Variants in ADAM23 observed in about 807,000 individuals in gnomAD.
ADAM23 encodes ADAM metallopeptidase domain 23, also known as disintegrin and metalloproteinase domain-containing protein 23.
Under a neutral mutation model 120.1 loss-of-function variants are expected in ADAM23, and 33 were observed. The observed-to-expected ratio is 0.27, with a 90% CI of 0.21 to 0.37. The LOEUF (loss-of-function observed/expected upper bound fraction) is 0.37. Among genes scored for constraint, ADAM23 ranks in the 10% least tolerant of loss-of-function variants. ADAM23 has a pLI of 1.00. For missense variants in ADAM23, 862 were observed against 1,058.2 expected (o/e 0.81, Z 2.57); for synonymous variants, 367 against 375.2 (o/e 0.98, Z 0.25).
At chr2:206,515,254 A>G (rs1696705982) in intron 3 of ADAM23, among the ~76,000 whole-genome samples, 1 of 152,210 alleles carries the variant, frequency 6.6e-6, no homozygotes. Context: ...GATCATTGAA[A>G]CAACTGAGAT....
chr2:206,610,090 C>G lies in ADAM23; in HGVS notation c.2450+90C>G, dbSNP rs542082750. 3.0e-5 allele frequency: 36 copies of G among 1,193,292 alleles called. No individual in the cohort carries two copies. The East Asian group carries it at 8.3e-4, about 27-fold the overall frequency. 73.9% of individuals were successfully genotyped at this position (1,193,292 alleles called of 1,614,324 possible). ...AAGTTTTGAGTTCCTGCTACAAGAG[C>G]TTAGGTTCTGTCAGTCAAACTGCAA... is the stretch of plus-strand genomic sequence containing the variant. On this transcript the variant is annotated intron_variant, in intron 25 of 25. Coordinates refer to ENST00000264377, the MANE Select transcript of ADAM23 (RefSeq NM_003812.4).
intron 21 of ADAM23, among the ~76,000 whole-genome samples, 156 bp downstream of exon 21, chr2:206,589,670 G>C (rs376168435): frequency 6.6e-6 from 1 of 152,108 alleles, no homozygotes; most frequent in African/African-American, 2.4e-5. Flanking sequence ...ATTATATCTA[G>C]AGGCAAATGG....
intron 3 of ADAM23, among the ~76,000 whole-genome samples, chr2:206,504,762 T>A (rs1052726519): frequency 6.6e-6 from 1 of 152,182 alleles, no homozygotes; most frequent in African/African-American, 2.4e-5. Context: ...CCTTGGGGTG[T>A]GTTGAGCCCT....
chr2:206,528,030 TG>T (rs1696976043), intron 3 of ADAM23, among the ~76,000 whole-genome samples: 1 of 152,224 alleles, frequency 6.6e-6, no homozygotes, highest in Non-Finnish European at 1.5e-5. Context: ...TTATGAGATT[TG>T]GGAATTCATG....
chr2:206,485,242 G>A (rs1230787855), intron 3 of ADAM23, among the ~76,000 whole-genome samples: 1 of 152,154 alleles, frequency 6.6e-6, no homozygotes, highest in African/African-American at 2.4e-5. Flanking sequence ...TTCTGTCTGG[G>A]ATTAACCAAA....
chr2:206,598,751 T>G (rs1698578360), intron 24 of ADAM23, among the ~76,000 whole-genome samples: 1 of 150,898 alleles, frequency 6.6e-6, no homozygotes, highest in South Asian at 2.1e-4. Context: ...AATACAAAAA[T>G]TAGCCAGACA....
intron 4 of ADAM23, among the ~76,000 whole-genome samples, chr2:206,531,163 T>C (rs1697053970): frequency 6.6e-6 from 1 of 152,234 alleles, no homozygotes. Context: ...GTTTTGATTA[T>C]ACATGCAGTA....
At position 206,481,229 on chromosome 2, in the gene ADAM23, T is replaced by C. The variant is rs1695889018; in HGVS notation, c.433-3T>C. 1 of 1,608,366 alleles carries C rather than the reference T, an allele frequency of 6.2e-7. No homozygotes were observed. Among genetic ancestry groups the C allele is most frequent in the African/African-American group, 1.3e-5 (1 of 74,580 alleles). Reference sequence around the variant, plus strand: ...AGGTTCTTCTGTCTTTTTGAATCCATAGGCTGTCCATCTGGCCCAGGCAAG... The same window carrying C: ...AGGTTCTTCTGTCTTTTTGAATCCACAGGCTGTCCATCTGGCCCAGGCAAG... On this transcript the variant is annotated splice_polypyrimidine_tract_variant and splice_region_variant and intron_variant, in intron 2 of 25. Coordinates refer to ENST00000264377, the MANE Select transcript of ADAM23 (RefSeq NM_003812.4).
chr2:206,545,016 G>A (rs1486855231), intron 6 of ADAM23, among the ~76,000 whole-genome samples: 2 of 152,132 alleles, frequency 1.3e-5, no homozygotes, highest in Non-Finnish European at 2.9e-5. Flanking sequence ...GGGTTGGAGA[G>A]GAGTGAACAA....
At chr2:206,606,494 G>A (rs996444124) in intron 24 of ADAM23, 2 of 152,198 alleles carry the variant, frequency 1.3e-5, no homozygotes, top group African/African-American at 4.8e-5. Flanking sequence ...GAAGCAAGGA[G>A]CATTAAGAAT....
At position 206,594,846 on chromosome 2, in the gene ADAM23, G is replaced by A. The variant is rs778898677; in HGVS notation, c.2188G>A (p.Ala730Thr). 6.2e-7 allele frequency: 1 copy of A among 1,614,148 alleles called. No individual in the cohort carries two copies. Among genetic ancestry groups the A allele is most frequent in the African/African-American group, 1.3e-5 (1 of 75,030 alleles). The change falls in exon 23 of 26, where the codon GCC (alanine) becomes ACC (threonine). Residue 730 changes from alanine to threonine, a missense_variant. Transcript: ENST00000264377. ...CLDRKCLQIQ[A>T]LNMSSCPLDS... The stretch of plus-strand genomic sequence containing the variant: ...AGATCGGAAGTGCCTACAAATTCAA[G>A]CCCTAAATATGAGCAGCTGTCCACT...
intron 3 of ADAM23, among the ~76,000 whole-genome samples, chr2:206,482,081 T>C (rs1250456711): frequency 1.3e-5 from 2 of 152,236 alleles, no homozygotes; most frequent in African/African-American, 2.4e-5. Context: ...TACCTGTTAA[T>C]GCTATCAAAC....
intron 3 of ADAM23, among the ~76,000 whole-genome samples, chr2:206,526,443 T>C (rs556480034): frequency 3.3e-4 from 51 of 152,342 alleles, no homozygotes; most frequent in Non-Finnish European, 6.8e-4. Flanking sequence ...CACTGCGATA[T>C]AGTGCAAGTT....
intron 3 of ADAM23, among the ~76,000 whole-genome samples, chr2:206,516,906 G>A (rs1696745036): frequency 6.6e-6 from 1 of 152,012 alleles, no homozygotes; most frequent in Non-Finnish European, 1.5e-5. Context: ...AGCAGTTTGA[G>A]GGCAGACAAC....
intron 2 of ADAM23, among the ~76,000 whole-genome samples, chr2:206,460,623 G>GTAC: frequency 6.6e-6 from 1 of 152,008 alleles, no homozygotes; most frequent in South Asian, 2.1e-4. Flanking sequence ...AGTTCTTTAT[G>GTAC]TACTCTGGAT....
At chr2:206,616,570 T>A (rs1037318383) in intron 25 of ADAM23, among the ~76,000 whole-genome samples, 4 of 152,178 alleles carry the variant, frequency 2.6e-5, no homozygotes, top group African/African-American at 9.7e-5. Flanking sequence ...GGTATTGTTT[T>A]TATTTTGAAT....
At chr2:206,494,186 G>T (rs1470065038) in intron 3 of ADAM23, among the ~76,000 whole-genome samples, 1 of 152,056 alleles carries the variant, frequency 6.6e-6, no homozygotes, top group Non-Finnish European at 1.5e-5. Flanking sequence ...ATTAATTATA[G>T]TCACCATACT....
At chr2:206,556,272 A>G (rs1274309152) in intron 9 of ADAM23, among the ~76,000 whole-genome samples, 1 of 152,160 alleles carries the variant, frequency 6.6e-6, no homozygotes, top group African/African-American at 2.4e-5. Context: ...TAGATATGTA[A>G]ACATTGAGAT....
At chr2:206,472,926 G>A (rs1480090391) in intron 2 of ADAM23, among the ~76,000 whole-genome samples, 1 of 152,184 alleles carries the variant, frequency 6.6e-6, no homozygotes, top group East Asian at 1.9e-4. Flanking sequence ...TGTGAGAAGA[G>A]TGTGCTTTGT....
Sources: gnomAD v4.1 joint callset for allele counts (sites outside exome capture counted in the v4.1 genomes callset) on GRCh38, gnomAD v4.1.1 for gene constraint, MANE v1.5 for transcripts, NCBI Gene and HGNC (gene_info 2026-07-23, HGNC 2026-07-21) for gene names.